The following PHF24 variants were observed in gnomAD, a reference collection of about 807,000 sequenced individuals.
The protein encoded by PHF24 is Galpha inhibitory interacting protein.
A neutral mutation model predicts 42.6 loss-of-function variants in PHF24; 25 were observed. The observed-to-expected ratio is 0.59, with a 90% confidence interval of 0.43 to 0.82. PHF24 has a LOEUF of 0.82. PHF24 is among the 40% of genes least tolerant of loss of function. The pLI, the probability that PHF24 is intolerant of heterozygous loss-of-function variation, is 0.00. For missense variants in PHF24, 470 were observed against 538.1 expected (o/e 0.87, Z 1.25); for synonymous variants, 185 against 204.8 (o/e 0.90, Z 0.83).
chr9:34,869,556 TCTC>T, the PHF24 span, among the ~76,000 whole-genome samples: 1 of 152,050 alleles, frequency 6.6e-6, no homozygotes, highest in Admixed American at 6.6e-5. Context: ...GTCTTCTCCT[TCTC>T]CTGCTGCAGA....
the PHF24 span, among the ~76,000 whole-genome samples, chr9:34,707,764 G>T: frequency 6.6e-6 from 1 of 151,450 alleles, no homozygotes; most frequent in South Asian, 2.1e-4. Flanking sequence ...TCTTGCTCTT[G>T]TCGCCCAGAC....
the PHF24 span, among the ~76,000 whole-genome samples, chr9:34,790,461 G>T: frequency 6.6e-6 from 1 of 152,136 alleles, no homozygotes; most frequent in Non-Finnish European, 1.5e-5. Context: ...ACTCCATTTT[G>T]ATTCTGACAA....
At chr9:34,718,529 C>A in the PHF24 span, among the ~76,000 whole-genome samples, 1 of 152,244 alleles carries the variant, frequency 6.6e-6, no homozygotes, top group African/African-American at 2.4e-5. Context: ...TCTGTCCCTG[C>A]AGAGGACACA....
chr9:34,931,375 C>CA, the PHF24 span, among the ~76,000 whole-genome samples: 20,876 of 82,724 alleles, frequency 0.25, 2,935 homozygotes, highest in South Asian at 0.33. Context: ...GACTCTGTAT[C>CA]AAAAAAAAAA....
At chr9:34,722,385 A>T in the PHF24 span, among the ~76,000 whole-genome samples, 6 of 152,216 alleles carry the variant, frequency 3.9e-5, no homozygotes, top group Admixed American at 3.9e-4. Context: ...TCATGAATAC[A>T]GTGGGTTTGG....
chr9:34,734,027 G>T, the PHF24 span, among the ~76,000 whole-genome samples: 1 of 152,146 alleles, frequency 6.6e-6, no homozygotes, highest in Non-Finnish European at 1.5e-5. Context: ...GTTGGAAGTA[G>T]CATTACTTTC....
At chr9:34,810,167 G>C in the PHF24 span, among the ~76,000 whole-genome samples, 16 of 152,226 alleles carry the variant, frequency 1.1e-4, no homozygotes, top group South Asian at 2.1e-4. Flanking sequence ...CCGGTAAGTG[G>C]GGACGGGGGC....
the PHF24 span, among the ~76,000 whole-genome samples, chr9:34,765,029 G>C: frequency 0.29 from 43,810 of 151,614 alleles, 6,797 homozygotes; most frequent in Admixed American, 0.35. Flanking sequence ...TTTCTTAATC[G>C]TGAGTTCTAG....
intron 1 of PHF24, among the ~76,000 whole-genome samples, chr9:34,969,801 C>T (rs1255246164): frequency 6.6e-6 from 1 of 152,192 alleles, no homozygotes; most frequent in Non-Finnish European, 1.5e-5. Flanking sequence ...TTTAAACCCT[C>T]TACCTCTTGT....
the PHF24 span, among the ~76,000 whole-genome samples, chr9:34,891,212 C>G: frequency 6.6e-6 from 1 of 152,182 alleles, no homozygotes. Flanking sequence ...AGTGTCCTTT[C>G]CTGATCTGTG....
chr9:34,796,458 G>T, the PHF24 span, among the ~76,000 whole-genome samples: 1 of 151,082 alleles, frequency 6.6e-6, no homozygotes, highest in African/African-American at 2.4e-5. Context: ...AAAATTATTC[G>T]CAAATCAAAC....
At chr9:34,741,887 C>T in the PHF24 span, among the ~76,000 whole-genome samples, 1 of 151,818 alleles carries the variant, frequency 6.6e-6, no homozygotes. Flanking sequence ...TTTCATCATA[C>T]TAGTTTTAAA....
the PHF24 span, among the ~76,000 whole-genome samples, chr9:34,700,272 C>T: frequency 1.3e-5 from 2 of 152,240 alleles, no homozygotes; most frequent in African/African-American, 4.8e-5. Context: ...TAAACTCGCT[C>T]TAGCTGTTGA....
At chr9:34,808,273 G>A in the PHF24 span, among the ~76,000 whole-genome samples, 15 of 152,232 alleles carry the variant, frequency 9.9e-5, no homozygotes, top group African/African-American at 2.9e-4. Context: ...ATATATGTAT[G>A]TAGTGTTTAG....
the PHF24 span, among the ~76,000 whole-genome samples, chr9:34,843,078 A>G: frequency 7.2e-4 from 109 of 152,222 alleles, no homozygotes; most frequent in Non-Finnish European, 3.2e-4. Context: ...ATTGAAAAGC[A>G]ATTACCAAAA....
chr9:34,778,416 A>C, the PHF24 span, among the ~76,000 whole-genome samples: 1 of 152,228 alleles, frequency 6.6e-6, no homozygotes, highest in Non-Finnish European at 1.5e-5. Context: ...GGTTGAAATA[A>C]AAGGATAGCA....
At chr9:34,724,919 T>C in the PHF24 span, 2 of 1,551,020 alleles carry the variant, frequency 1.3e-6, no homozygotes, top group Non-Finnish European at 1.7e-6. Context: ...TAAAGTTGTC[T>C]CCAGTTTCTC....
the PHF24 span, chr9:34,895,781 C>A: frequency 1.4e-3 from 547 of 399,818 alleles, no homozygotes; most frequent in Non-Finnish European, 2.1e-3. Flanking sequence ...GAACCTAATA[C>A]CTCCAGATTT....
the PHF24 span, among the ~76,000 whole-genome samples, chr9:34,740,878 TTC>T: frequency 6.6e-6 from 1 of 151,806 alleles, no homozygotes; most frequent in Admixed American, 6.6e-5. Flanking sequence ...TGTCCTCTCT[TTC>T]TCTCTCTCTC....
Sources: allele counts gnomAD v4.1 joint callset (sites outside exome capture counted in the v4.1 genomes callset), GRCh38; gene constraint gnomAD v4.1.1; transcripts MANE v1.5; gene names NCBI Gene and HGNC (gene_info 2026-07-23, HGNC 2026-07-21).